The following PTPN21 variants were observed in gnomAD, a reference collection of about 807,000 sequenced individuals.
PTPN21 encodes the protein protein tyrosine phosphatase non-receptor type 21.
PTPN21 carries 77 observed loss-of-function variants against 131.8 expected under a neutral mutation model. The ratio of observed to expected loss-of-function variants is 0.58; its 90% CI spans 0.49 to 0.71. The LOEUF is 0.71. Among genes scored for constraint, PTPN21 ranks in the 30% least tolerant of loss-of-function variants. The probability of loss-of-function intolerance (pLI) is 0.00; values close to 1 mark genes in which losing one functional copy is unlikely to be tolerated. For missense variants in PTPN21, 1,552 were observed against 1,527.1 expected, an observed-to-expected ratio of 1.02 and a Z score of -0.27; for synonymous variants, 715 against 621.3, an observed-to-expected ratio of 1.15 and a Z score of -2.24.
chr14:88,505,961 C>T (rs1345859742), intron 4 of PTPN21, among the ~76,000 whole-genome samples: 3 of 152,144 alleles, frequency 2.0e-5, no homozygotes, highest in Non-Finnish European at 2.9e-5. Flanking sequence ...CTTCTTATAG[C>T]TGAAGGAGTT....
intron 4 of PTPN21, among the ~76,000 whole-genome samples, chr14:88,505,938 CAT>C (rs1328939157): frequency 7.9e-5 from 12 of 152,186 alleles, no homozygotes; most frequent in African/African-American, 2.7e-4. Flanking sequence ...AAAAATGATA[CAT>C]GTCTCCATGC....
chr14:88,499,850 A>G (rs2077982601), intron 8 of PTPN21, among the ~76,000 whole-genome samples: 1 of 152,210 alleles, frequency 6.6e-6, no homozygotes, highest in Non-Finnish European at 1.5e-5. Context: ...GGATTGTACA[A>G]TATGGTCCAA....
intron 10 of PTPN21, among the ~76,000 whole-genome samples, chr14:88,487,251 G>C (rs1444103179): frequency 6.6e-6 from 1 of 151,916 alleles, no homozygotes; most frequent in Non-Finnish European, 1.5e-5. Context: ...ATGTAGTTTT[G>C]TCAAAGCACT....
At chr14:88,484,980 C>T (rs1462981178) in intron 12 of PTPN21, 96 bp downstream of exon 12, 9 of 1,020,430 alleles carry the variant, frequency 8.8e-6, no homozygotes, top group Non-Finnish European at 1.2e-5. Flanking sequence ...GGTGCAACTT[C>T]AGCCAAAAAC....
Position 88,479,868 on chromosome 14 carries a change from CG to C in PTPN21, c.1562del (p.Pro521ArgfsTer22). 1 of 1,574,940 alleles carries C rather than the reference CG, an allele frequency of 6.3e-7. No homozygotes were observed. Among genetic ancestry groups the C allele is most frequent in the Non-Finnish European group, 8.6e-7 (1 of 1,164,768 alleles). On this transcript the variant is annotated frameshift_variant, in exon 13 of 19. Transcript: ENST00000556564. LOFTEE classifies it high-confidence loss of function. ...GCTCGGCAGGGTAGGGGTAGGGAGA[CG>C]GGCTGTGGAAGCTGTAGCTCAGGCT... ...PFSLSYSFHSPSPYPYPAERR... is the reference protein window; with the variant it reads ...PFSLSYSFHSXSPYPYPAERR...
chr14:88,479,397 GA>G lies in PTPN21; in HGVS notation c.2033del (p.Phe678SerfsTer16). On this transcript the variant is annotated frameshift_variant, in exon 13 of 19. Transcript: ENST00000556564. LOFTEE classifies it high-confidence loss of function. ...GCCCTTCTCGCTGTGTCCTCTCGGT[GA>G]AAACGCTGGGCTGGGAGCCCACCGA... ...AVSVGSQPSV[F>X]TERTQREGPE... The G allele has an allele frequency of 6.2e-7, 1 of 1,604,732 alleles. No homozygotes were observed. The highest frequency in any genetic ancestry group is 8.5e-7 in the Non-Finnish European group (1 of 1,179,098).
chr14:88,554,686 CGCGCCCCGCTCA>C lies in PTPN21; in HGVS notation c.-250_-239del, dbSNP rs2078902160. On this transcript the variant is annotated 5_prime_UTR_variant, in exon 1 of 19. It removes the in-frame stop codon of an upstream open reading frame in the 5' UTR. Coordinates refer to ENST00000556564, the MANE Select transcript of PTPN21 (RefSeq NM_007039.4). ...TCCCGCTCCCGCATCCTCGGGGCCG[CGCGCCCCGCTCA>C]GCGACCCGCCTCCCGGGGCCCCGCC... 6.7e-6 allele frequency: 1 copy of C among 148,272 alleles called. No homozygotes were observed. Among genetic ancestry groups the C allele is most frequent in the Non-Finnish European group, 1.5e-5 (1 of 66,626 alleles). The allele number at this position is 148,272 out of a possible 1,614,324, so 9.2% of individuals were successfully genotyped here. A position where few individuals can be genotyped will look rare whatever the true frequency, so the allele number is the denominator to read the frequency against.
chr14:88,467,776 A>G lies in PTPN21; in HGVS notation c.*361T>C, dbSNP rs577440286. On this transcript the variant is annotated 3_prime_UTR_variant, in exon 19 of 19. Coordinates refer to ENST00000556564, the MANE Select transcript of PTPN21 (RefSeq NM_007039.4). ...CTCCATTATCAAAAATTAGTTTAAGATAGAAATCTATGCACTTTAATGATT... is the reference window on the plus strand; with the variant it reads ...CTCCATTATCAAAAATTAGTTTAAGGTAGAAATCTATGCACTTTAATGATT... The G allele has an allele frequency of 5.1e-6, 1 of 194,728 alleles. No individual in the cohort carries two copies. The highest frequency in any genetic ancestry group is 1.7e-4 in the East Asian group (1 of 5,912). The allele number at this position is 194,728 out of a possible 1,614,324, so 12.1% of individuals were successfully genotyped here. A position where few individuals can be genotyped will look rare whatever the true frequency, so the allele number is the denominator to read the frequency against.
chr14:88,547,668 G>C (rs1049807490), intron 2 of PTPN21: 3 of 455,582 alleles, frequency 6.6e-6, no homozygotes, highest in South Asian at 4.7e-5. Context: ...AAGAATAAAT[G>C]CAAGTAAGCA....
In PTPN21 at chr14:88,473,776, TG is replaced by T. The variant is rs749470506; in HGVS notation, c.2537del (p.Ala846GlufsTer12). 3.7e-6 allele frequency: 6 copies of T among 1,610,502 alleles called. No homozygotes were observed. Among genetic ancestry groups the T allele is most frequent in the Non-Finnish European group, 1.7e-6 (2 of 1,179,178 alleles). ...LGGMKKTRVD[A>X]KKIGPLKLAA... ...CCAGTTTAAGAGGACCAATTTTTTTTGCATCTACTCGAGTCTTTTTCATTCC... is the reference window on the plus strand; with the variant it reads ...CCAGTTTAAGAGGACCAATTTTTTTTCATCTACTCGAGTCTTTTTCATTCC... On this transcript the variant is annotated frameshift_variant, in exon 14 of 19. Transcript: ENST00000556564. LOFTEE classifies it high-confidence loss of function.
chr14:88,472,092 A>ATGTTTAAAACTAGGGTGTT (rs1315752119), intron 15 of PTPN21, 152 bp downstream of exon 15: 1 of 602,638 alleles, frequency 1.7e-6, no homozygotes, highest in Non-Finnish European at 2.9e-6. Flanking sequence ...TTTGTCACAA[A>ATGTTTAAAACTAGGGTGTT]TGTTTAAAAC....
In PTPN21 at chr14:88,554,845, G is replaced by C. The variant is rs1036768705; in HGVS notation, c.-397C>G. On this transcript the variant is annotated 5_prime_UTR_variant, in exon 1 of 19. Transcript: ENST00000556564. ...CAGACCATTCCCCTGGGCAGAGTCC[G>C]GCGGTGGCGACGGCGAGGGGCGAGG... 2.2e-4 allele frequency: 33 copies of C among 151,910 alleles called. No homozygotes were observed. Among genetic ancestry groups the C allele is most frequent in the African/African-American group, 7.7e-4 (32 of 41,398 alleles). 9.4% of individuals were successfully genotyped at this position (151,910 alleles called of 1,614,324 possible). A position where few individuals can be genotyped will look rare whatever the true frequency, so the allele number is the denominator to read the frequency against.
intron 13 of PTPN21, among the ~76,000 whole-genome samples, chr14:88,477,023 A>T: frequency 6.6e-6 from 1 of 152,042 alleles, no homozygotes; most frequent in East Asian, 1.9e-4. Flanking sequence ...TCACACATAA[A>T]AACAGACCGT....
chr14:88,550,523 A>T lies in PTPN21; in HGVS notation c.-106T>A. 5 of 1,104,728 alleles carry T rather than the reference A, an allele frequency of 4.5e-6. 1 individual carries two copies. The highest frequency in any genetic ancestry group is 1.6e-5 in the South Asian group (1 of 62,060). The allele number at this position is 1,104,728 out of a possible 1,614,324, so 68.4% of individuals were successfully genotyped here. On this transcript the variant is annotated 5_prime_UTR_variant, in exon 2 of 19. Transcript: ENST00000556564. The stretch of plus-strand genomic sequence containing the variant: ...GCGATCCTCTCCGGATGGGACGAAC[A>T]CTGTCCGGCCTCCAGCTGCTCACCC...
At chr14:88,474,852 G>A (rs889848302) in intron 13 of PTPN21, among the ~76,000 whole-genome samples, 1 of 152,192 alleles carries the variant, frequency 6.6e-6, no homozygotes, top group Admixed American at 6.5e-5. Context: ...GATCACGCCT[G>A]TAATCCTAGC....
intron 2 of PTPN21, among the ~76,000 whole-genome samples, chr14:88,538,804 C>T (rs1304374877): frequency 6.6e-6 from 1 of 152,190 alleles, no homozygotes; most frequent in Non-Finnish European, 1.5e-5. Flanking sequence ...TCACTTAATA[C>T]CTTTGTGTCT....
intron 11 of PTPN21, 136 bp from the exon 12 acceptor site, chr14:88,485,296 G>A (rs2077716005): frequency 5.8e-6 from 3 of 520,494 alleles, no homozygotes; most frequent in Admixed American, 3.7e-5. Context: ...AAATAAACAT[G>A]AAGACACAGT....
chr14:88,535,167 A>G lies in PTPN21; in HGVS notation c.180+15071T>C, dbSNP rs895949761. On this transcript the variant is annotated intron_variant, in intron 2 of 18. Coordinates refer to ENST00000556564, the MANE Select transcript of PTPN21 (RefSeq NM_007039.4). ...TATATAATTACCTACAGTATTCAGT[A>G]TAGTAACATGTTGGACAGGTTTATT... Among the ~76,000 whole-genome samples, 5 of 152,212 alleles carry G rather than the reference A, an allele frequency of 3.3e-5. No homozygotes were observed. In the South Asian group the frequency reaches 1.0e-3, roughly 31 times the overall value.
intron 6 of PTPN21, chr14:88,504,027 C>T (rs1011091317): frequency 5.6e-6 from 1 of 179,100 alleles, no homozygotes; most frequent in African/African-American, 2.4e-5. Context: ...AGGGAAGTAA[C>T]CCTGTACTTG....
Sources: gnomAD v4.1 joint callset for allele counts (sites outside exome capture counted in the v4.1 genomes callset) on GRCh38, gnomAD v4.1.1 for gene constraint, MANE v1.5 for transcripts, NCBI Gene and HGNC (gene_info 2026-07-23, HGNC 2026-07-21) for gene names.